Variants in TPTE observed in about 807,000 individuals in gnomAD.
The protein encoded by TPTE is transmembrane phosphatase with tensin homology, also known as putative tyrosine-protein phosphatase TPTE.
In TPTE, 59 loss-of-function variants were observed where a neutral mutation model predicts 84.1. That is an observed-to-expected ratio of 0.70 (90% CI 0.57 to 0.87). TPTE has a LOEUF of 0.87. TPTE is among the 40% of genes least tolerant of loss of function. TPTE has a pLI of 0.00. For synonymous variants in TPTE, 130 were observed against 223.5 expected, an observed-to-expected ratio of 0.58 and a Z score of 3.73; for missense variants, 382 against 659.6, an observed-to-expected ratio of 0.58 and a Z score of 4.61.
rs202198468 is a variant in TPTE at position 10,591,587 on chromosome 21, T to C, written c.1090-706T>C. On this transcript the variant is annotated intron_variant, in intron 18 of 23. Transcript: ENST00000618007. The stretch of plus-strand genomic sequence containing the variant: ...AGGTTTATTAATGTGGATTGCAACT[T>C]AAAAAACAAAAGGTTTGAAAGTCAT... Among the ~76,000 whole-genome samples the C allele has an allele frequency of 0.01, 1,545 of 149,874 alleles. No homozygotes were observed. The East Asian group carries it at 0.1, about 10-fold the overall frequency.
intron 10 of TPTE, among the ~76,000 whole-genome samples, chr21:10,563,055 C>T (rs1210282617): frequency 1.3e-5 from 2 of 152,306 alleles, no homozygotes; most frequent in African/African-American, 4.8e-5. Flanking sequence ...ATATATCTGG[C>T]AGCAGACTCT....
At chr21:10,591,991 CT>C (rs1381573566) in intron 18 of TPTE, among the ~76,000 whole-genome samples, 6 of 152,300 alleles carry the variant, frequency 3.9e-5, no homozygotes. Flanking sequence ...GGTGAAACCC[CT>C]ATAGCTACTA....
chr21:10,537,006 C>T (rs1264454058), intron 3 of TPTE, among the ~76,000 whole-genome samples: 2 of 152,430 alleles, frequency 1.3e-5, no homozygotes, highest in Admixed American at 1.3e-4. Context: ...GAGGCTAACA[C>T]TACAAGCCCA....
At chr21:10,542,563 T>TCATC (rs1242680334) in intron 6 of TPTE, 115 bp downstream of exon 6, 687 of 821,418 alleles carry the variant, frequency 8.4e-4, no homozygotes, top group East Asian at 4.1e-3. Flanking sequence ...ATCCATCCAT[T>TCATC]CATCCATCCA....
chr21:10,577,355 G>C (rs1307903573), intron 14 of TPTE, 105 bp from the exon 15 acceptor site: 1 of 1,593,370 alleles, frequency 6.3e-7, no homozygotes, highest in Non-Finnish European at 8.6e-7. Context: ...GAAGATGCTA[G>C]TGAGAGACAA....
At chr21:10,553,590 A>G (rs568286046) in intron 8 of TPTE, among the ~76,000 whole-genome samples, 1 of 152,428 alleles carries the variant, frequency 6.6e-6, no homozygotes, top group South Asian at 2.1e-4. Context: ...CCCCACTCCA[A>G]ACAAAATAAA....
chr21:10,603,639 A>G lies in TPTE; in HGVS notation c.1520+7A>G, dbSNP rs1226167799. On this transcript the variant is annotated splice_region_variant and intron_variant, in intron 23 of 23. Coordinates refer to ENST00000618007, the MANE Select transcript of TPTE (RefSeq NM_199261.4). ...CTTTTATTGAAAATAACAGGTATGA[A>G]TATAATAGAAACCCATAGAAACAGC... 5.6e-6 allele frequency: 9 copies of G among 1,610,858 alleles called. No individual in the cohort carries two copies. Among genetic ancestry groups the G allele is most frequent in the Non-Finnish European group, 7.6e-6 (9 of 1,177,602 alleles).
At chr21:10,551,102 G>A (rs1215655772) in intron 7 of TPTE, among the ~76,000 whole-genome samples, 1 of 152,312 alleles carries the variant, frequency 6.6e-6, no homozygotes, top group African/African-American at 2.4e-5. Flanking sequence ...AGCAAAAGCA[G>A]TTATTAAGAA....
intron 7 of TPTE, among the ~76,000 whole-genome samples, chr21:10,545,903 T>C (rs1350560486): frequency 6.6e-6 from 1 of 151,898 alleles, no homozygotes; most frequent in African/African-American, 2.4e-5. Context: ...TCCTTTAATA[T>C]ATATATGAGC....
chr21:10,596,256 C>A (rs1430337875), intron 20 of TPTE, among the ~76,000 whole-genome samples, 169 bp downstream of exon 20: 1 of 152,186 alleles, frequency 6.6e-6, no homozygotes, highest in African/African-American at 2.4e-5. Flanking sequence ...CTGCAATTGC[C>A]CATTGATTGC....
At chr21:10,531,611 A>G (rs574260937) in intron 3 of TPTE, among the ~76,000 whole-genome samples, 2 of 152,428 alleles carry the variant, frequency 1.3e-5, no homozygotes, top group East Asian at 3.8e-4. Flanking sequence ...ATGTATTCAA[A>G]TCATCCTTCA....
In TPTE at chr21:10,578,138, G is replaced by A. The variant is rs551686974; in HGVS notation, c.857-199G>A. ...TTAAACAAAAATAAGTTGAGTTTAG[G>A]TTATATGAGATGGATAAACCACTAC... On this transcript the variant is annotated intron_variant, in intron 15 of 23. Coordinates refer to ENST00000618007, the MANE Select transcript of TPTE (RefSeq NM_199261.4). 2.0e-5 allele frequency among the ~76,000 whole-genome samples: 3 copies of A among 152,408 alleles called. No individual in the cohort carries two copies. In the East Asian group the frequency reaches 5.8e-4, roughly 29 times the overall value.
At chr21:10,556,247 G>C (rs1443803105) in intron 8 of TPTE, among the ~76,000 whole-genome samples, 2 of 152,298 alleles carry the variant, frequency 1.3e-5, no homozygotes, top group Admixed American at 6.5e-5. Context: ...CTGTGTCCAA[G>C]GGTTCTCATT....
chr21:10,565,099 T>C (rs1229469512), intron 10 of TPTE, among the ~76,000 whole-genome samples: 14 of 152,296 alleles, frequency 9.2e-5, no homozygotes, highest in African/African-American at 3.1e-4. Flanking sequence ...TACATTTTAT[T>C]TGGAAAATAC....
At chr21:10,603,772 C>A in intron 23 of TPTE, 140 bp downstream of exon 23, 1 of 1,074,928 alleles carries the variant, frequency 9.3e-7, no homozygotes, top group Non-Finnish European at 1.4e-6. Flanking sequence ...TGTTCCTTGC[C>A]TTACTCTTCT....
intron 2 of TPTE, among the ~76,000 whole-genome samples, chr21:10,526,118 G>A (rs1256518854): frequency 1.3e-5 from 2 of 152,312 alleles, no homozygotes; most frequent in Non-Finnish European, 2.9e-5. Flanking sequence ...CTGCTGAAAA[G>A]TAGCGGATGC....
At chr21:10,587,258 C>T (rs2075383169) in intron 17 of TPTE, among the ~76,000 whole-genome samples, 1 of 152,310 alleles carries the variant, frequency 6.6e-6, no homozygotes, top group African/African-American at 2.4e-5. Context: ...AGTGCATATA[C>T]AGGTTTATTG....
chr21:10,600,019 G>C (rs1481621163), intron 21 of TPTE, among the ~76,000 whole-genome samples: 1 of 152,296 alleles, frequency 6.6e-6, no homozygotes, highest in Non-Finnish European at 1.5e-5. Flanking sequence ...TGCCCAGGCT[G>C]GTCTCAGACT....
intron 2 of TPTE, among the ~76,000 whole-genome samples, chr21:10,525,337 C>G (rs2074059404): frequency 6.6e-6 from 1 of 152,310 alleles, no homozygotes; most frequent in Non-Finnish European, 1.5e-5. Context: ...TGAGGGTGGC[C>G]TGTAGTGTAT....
Sources: allele counts gnomAD v4.1 joint callset (sites outside exome capture counted in the v4.1 genomes callset), GRCh38; gene constraint gnomAD v4.1.1; transcripts MANE v1.5; gene names NCBI Gene and HGNC (gene_info 2026-07-23, HGNC 2026-07-21).